MYEF2: variants seen among roughly 807,000 people sequenced by gnomAD.
MYEF2 encodes the protein myelin gene expression factor 2.
Under a neutral mutation model 75.2 loss-of-function variants are expected in MYEF2, and 37 were observed. The observed-to-expected ratio is 0.49, with a 90% CI of 0.38 to 0.65. The LOEUF (loss-of-function observed/expected upper bound fraction) is 0.65, where lower values mean the gene tolerates loss of function less well. Ranked by LOEUF, MYEF2 falls within the 30% of genes least tolerant of loss-of-function variation. The probability of loss-of-function intolerance (pLI) is 0.00; values close to 1 mark genes in which losing one functional copy is unlikely to be tolerated. For synonymous variants in MYEF2, 195 were observed against 241.6 expected (o/e 0.81, Z 1.79); for missense variants, 634 against 771.4 (o/e 0.82, Z 2.11).
chr15:48,136,739 T>C lies in MYEF2; in HGVS notation c.*6169A>G, dbSNP rs778211619. On this transcript the variant is annotated 3_prime_UTR_variant, in exon 17 of 17. Coordinates refer to ENST00000324324, the MANE Select transcript of MYEF2 (RefSeq NM_016132.5). ...GGATTGTATGTTTTGGTGCTGTGTT[T>C]TGACATTAAAATTAACCAATATATT... 2.5e-6 allele frequency: 4 copies of C among 1,613,594 alleles called. No homozygotes were observed. Among genetic ancestry groups the C allele is most frequent in the Non-Finnish European group, 3.4e-6 (4 of 1,179,772 alleles).
intron 1 of MYEF2, chr15:48,169,799 T>A (rs2140927579): frequency 6.6e-6 from 1 of 152,302 alleles, no homozygotes; most frequent in Middle Eastern, 3.4e-3. Flanking sequence ...GGTTTCATCA[T>A]CTTGGCCAGG....
At chr15:48,153,448 T>A (rs1042418106) in intron 10 of MYEF2, 1 of 156,864 alleles carries the variant, frequency 6.4e-6, no homozygotes, top group Non-Finnish European at 1.4e-5. Context: ...CCCAAATGGA[T>A]AAACAGATTT....
chr15:48,142,151 A>G lies in MYEF2; in HGVS notation c.*757T>C, dbSNP rs1380640691. 1 of 1,613,894 alleles carries G rather than the reference A, an allele frequency of 6.2e-7. No homozygotes were observed. Among genetic ancestry groups the G allele is most frequent in the Non-Finnish European group, 8.5e-7 (1 of 1,179,862 alleles). Reference sequence around the variant, plus strand: ...TGGATCAGCTCCTGCAGAAGTAAACAGCAGAGGACTAACTTACATAACCAT... The same window carrying G: ...TGGATCAGCTCCTGCAGAAGTAAACGGCAGAGGACTAACTTACATAACCAT... On this transcript the variant is annotated 3_prime_UTR_variant, in exon 17 of 17. Coordinates refer to ENST00000324324, the MANE Select transcript of MYEF2 (RefSeq NM_016132.5).
chr15:48,137,021 T>C lies in MYEF2; in HGVS notation c.*5887A>G. ...ATTCGCAAAGGAAAAACTTTAAAAT[T>C]TCATTTCAATTCAGCAAGTATTGTG... On this transcript the variant is annotated 3_prime_UTR_variant, in exon 17 of 17. Coordinates refer to ENST00000324324, the MANE Select transcript of MYEF2 (RefSeq NM_016132.5). 2 of 1,495,788 alleles carry C rather than the reference T, an allele frequency of 1.3e-6. No individual in the cohort carries two copies. Among genetic ancestry groups the C allele is most frequent in the Non-Finnish European group, 1.8e-6 (2 of 1,113,830 alleles). The allele number at this position is 1,495,788 out of a possible 1,614,324, so 92.7% of individuals were successfully genotyped here.
intron 12 of MYEF2, 147 bp downstream of exon 12, chr15:48,151,727 C>T (rs1172635233): frequency 1.3e-5 from 15 of 1,141,548 alleles, no homozygotes; most frequent in Non-Finnish European, 1.9e-5. Context: ...ACATATCATC[C>T]CCATTCCCCA....
chr15:48,141,999 A>G lies in MYEF2; in HGVS notation c.*909T>C, dbSNP rs2039105515. 3 of 1,494,916 alleles carry G rather than the reference A, an allele frequency of 2.0e-6. No homozygotes were observed. Among genetic ancestry groups the G allele is most frequent in the Non-Finnish European group, 2.7e-6 (3 of 1,095,038 alleles). 92.6% of individuals were successfully genotyped at this position (1,494,916 alleles called of 1,614,324 possible). ...TTAATAAAACACAGTATTGGTAAGC[A>G]CATTTTAACAGTATGCTTTTCTTTT... On this transcript the variant is annotated 3_prime_UTR_variant, in exon 17 of 17. Transcript: ENST00000324324.
chr15:48,153,825 T>C lies in MYEF2; in HGVS notation c.1054A>G (p.Ile352Val), dbSNP rs913054927. ...CCTAAATTTCCCATTACTCCACCTA[T>C]GTTCAACTGGCTGGCACTAATAGGC... Reference protein sequence around the residue: ...GQPISASQLNIGGVMGNLGPG... With the variant: ...GQPISASQLNVGGVMGNLGPG... The change falls in exon 10 of 17, where the codon ATA becomes GTA. Residue 352 changes from isoleucine to valine, a missense_variant. Transcript: ENST00000324324. 2 of 1,613,324 alleles carry C rather than the reference T, an allele frequency of 1.2e-6. No homozygotes were observed. Among genetic ancestry groups the C allele is most frequent in the African/African-American group, 1.3e-5 (1 of 74,876 alleles).
chr15:48,149,469 T>A lies in MYEF2; in HGVS notation c.1379-98A>T. 1 of 930,206 alleles carries A rather than the reference T, an allele frequency of 1.1e-6. No individual in the cohort carries two copies. The highest frequency in any genetic ancestry group is 2.4e-5 in the Admixed American group (1 of 41,872). 57.6% of individuals were successfully genotyped at this position (930,206 alleles called of 1,614,324 possible). On this transcript the variant is annotated intron_variant, in intron 14 of 16. Coordinates refer to ENST00000324324, the MANE Select transcript of MYEF2 (RefSeq NM_016132.5). This position sits in a 1 kb window ranked among gnomAD's most constrained non-coding sequence, Gnocchi z 4.0. Reference sequence around the variant, plus strand: ...AAGAGGAGAAAGGAGGAAAAGGAGATAAACATTTTTGAGAAAGAAGGGGGA... The same window carrying A: ...AAGAGGAGAAAGGAGGAAAAGGAGAAAAACATTTTTGAGAAAGAAGGGGGA...
chr15:48,142,299 T>C lies in MYEF2; in HGVS notation c.*609A>G. ...TTGGGGCTTGCTACATTATCAGTTC[T>C]ATATGAACTTGGAATTATTGGAAAT... On this transcript the variant is annotated 3_prime_UTR_variant, in exon 17 of 17. Transcript: ENST00000324324. The C allele has an allele frequency of 5.0e-6, 8 of 1,612,150 alleles. No homozygotes were observed. The highest frequency in any genetic ancestry group is 5.9e-6 in the Non-Finnish European group (7 of 1,178,954).
rs1238121474 is a variant in MYEF2 at position 48,158,781 on chromosome 15, C to A, written c.859G>T (p.Val287Phe). 2 of 1,613,564 alleles carry A rather than the reference C, an allele frequency of 1.2e-6. No homozygotes were observed. The highest frequency in any genetic ancestry group is 1.7e-6 in the Non-Finnish European group (2 of 1,179,632). The stretch of plus-strand genomic sequence containing the variant: ...TAAATCAGGATACAAATTGCTTGAA[C>A]TGCTTCAATTGCTTGCTCAAAAGTG... ...TVTFEQAIEAVQAISMFNGQF... is the reference protein window; with the variant it reads ...TVTFEQAIEAFQAISMFNGQF... Residue 287 changes from valine to phenylalanine, a missense_variant, in exon 7 of 17, where the codon GTT becomes TTT. Coordinates refer to ENST00000324324, the MANE Select transcript of MYEF2 (RefSeq NM_016132.5).
intron 1 of MYEF2, among the ~76,000 whole-genome samples, chr15:48,170,302 T>C (rs1252481087): frequency 6.6e-6 from 1 of 152,036 alleles, no homozygotes; most frequent in Admixed American, 6.6e-5. Flanking sequence ...ATTTTTGTAT[T>C]TTTAGTAGAG....
intron 1 of MYEF2, among the ~76,000 whole-genome samples, chr15:48,175,803 T>C (rs891728942): frequency 2.0e-5 from 3 of 152,168 alleles, no homozygotes; most frequent in African/African-American, 7.2e-5. Flanking sequence ...CTATTCATTT[T>C]TAAGAAAAGG....
In MYEF2 at chr15:48,140,942, G is replaced by A. The variant is rs1422079056; in HGVS notation, c.*1966C>T. On this transcript the variant is annotated 3_prime_UTR_variant, in exon 17 of 17. Transcript: ENST00000324324. ...GCTACCTGGGTTACCCGAATTACCAGCCTGATTCAAATATGTTGCTAGCTA... is the reference window on the plus strand; with the variant it reads ...GCTACCTGGGTTACCCGAATTACCAACCTGATTCAAATATGTTGCTAGCTA... 1.9e-6 allele frequency: 1 copy of A among 513,188 alleles called. No individual in the cohort carries two copies. Among genetic ancestry groups the A allele is most frequent in the African/African-American group, 1.9e-5 (1 of 51,394 alleles). 31.8% of individuals were successfully genotyped at this position (513,188 alleles called of 1,614,324 possible).
At chr15:48,171,168 C>T (rs935824786) in intron 1 of MYEF2, among the ~76,000 whole-genome samples, 53 of 152,140 alleles carry the variant, frequency 3.5e-4, no homozygotes, top group African/African-American at 1.3e-3. Flanking sequence ...GAAGAACAAA[C>T]CTTTCTTTTC....
At position 48,157,707 on chromosome 15, in the gene MYEF2, T is replaced by G. The variant is rs1475550804; in HGVS notation, c.985+286A>C. The G allele has an allele frequency of 2.8e-6, 3 of 1,080,378 alleles. No homozygotes were observed. The Admixed American group carries it at 1.4e-4, about 49-fold the overall frequency. 66.9% of individuals were successfully genotyped at this position (1,080,378 alleles called of 1,614,324 possible). On this transcript the variant is annotated intron_variant, in intron 9 of 16. Transcript: ENST00000324324. ...TTATAATGAGGTTACCCACAGATGG[T>G]GAAATTACAGAGGACTTTTTTTCCT...
At chr15:48,165,065 C>T (rs950202921) in intron 5 of MYEF2, among the ~76,000 whole-genome samples, 2 of 151,998 alleles carry the variant, frequency 1.3e-5, no homozygotes, top group African/African-American at 4.8e-5. Flanking sequence ...TGTCTAGACA[C>T]CCACTAGAAA....
At chr15:48,150,888 T>C (rs1265838872) in intron 14 of MYEF2, among the ~76,000 whole-genome samples, 1 of 152,052 alleles carries the variant, frequency 6.6e-6, no homozygotes, top group South Asian at 2.1e-4. Context: ...AGTTTAGAAA[T>C]ATCAAAAAAG....
chr15:48,134,792 A>G lies in MYEF2; in HGVS notation c.*8116T>C. The G allele has an allele frequency of 9.8e-7, 1 of 1,020,890 alleles. No individual in the cohort carries two copies. Among genetic ancestry groups the G allele is most frequent in the South Asian group, 1.6e-5 (1 of 62,694 alleles). 63.2% of individuals were successfully genotyped at this position (1,020,890 alleles called of 1,614,324 possible). A position where few individuals can be genotyped will look rare whatever the true frequency, so the allele number is the denominator to read the frequency against. Reference sequence around the variant, plus strand: ...AATATGCAAAAGATAACAATATTTAACTACAAATATATAAACAATTTTAGT... The same window carrying G: ...AATATGCAAAAGATAACAATATTTAGCTACAAATATATAAACAATTTTAGT... On this transcript the variant is annotated 3_prime_UTR_variant, in exon 17 of 17. Transcript: ENST00000324324.
chr15:48,156,542 T>C (rs1407592827), intron 9 of MYEF2, among the ~76,000 whole-genome samples: 2 of 151,146 alleles, frequency 1.3e-5, no homozygotes, highest in Admixed American at 6.6e-5. Flanking sequence ...AAACCATCAG[T>C]AGTTAAAAAC....
Sources: allele counts gnomAD v4.1 joint callset (sites outside exome capture counted in the v4.1 genomes callset), GRCh38; gene constraint gnomAD v4.1.1; non-coding constraint Gnocchi (gnomAD v3.1); transcripts MANE v1.5; gene names NCBI Gene and HGNC (gene_info 2026-07-23, HGNC 2026-07-21).